Variants in FBN1 observed in about 807,000 individuals in gnomAD.
FBN1 encodes fibrillin 1, also known as fibrillin-1.
Under a neutral mutation model 365.1 loss-of-function variants are expected in FBN1, and 29 were observed. The observed-to-expected ratio is 0.08, with a 90% CI of 0.06 to 0.11. The LOEUF (loss-of-function observed/expected upper bound fraction) is 0.11. Ranked by LOEUF, FBN1 falls within the 10% of genes least tolerant of loss-of-function variation. The probability of loss-of-function intolerance (pLI) is 1.00; values close to 1 mark genes in which losing one functional copy is unlikely to be tolerated. For synonymous variants in FBN1, 1,210 were observed against 1,270.5 expected (o/e 0.95, Z 1.01); for missense variants, 2,476 against 3,703.2 (o/e 0.67, Z 8.60).
intron 6 of FBN1, among the ~76,000 whole-genome samples, chr15:48,591,551 G>T (rs999230810): frequency 6.6e-6 from 1 of 152,144 alleles, no homozygotes; most frequent in African/African-American, 2.4e-5. Context: ...GAGCAGATTC[G>T]TACGTTGAAA....
chr15:48,609,203 A>G (rs911765731), intron 4 of FBN1, among the ~76,000 whole-genome samples: 1 of 152,202 alleles, frequency 6.6e-6, no homozygotes, highest in African/African-American at 2.4e-5. Flanking sequence ...CTTGCTACGT[A>G]GAATGAACCT....
At chr15:48,479,753 C>T (rs2043452460) in intron 32 of FBN1, among the ~76,000 whole-genome samples, 1 of 152,166 alleles carries the variant, frequency 6.6e-6, no homozygotes, top group Non-Finnish European at 1.5e-5. Context: ...GTCTTAGTAT[C>T]TGTGCAAATT....
At chr15:48,499,155 A>G (rs2043634669) in intron 17 of FBN1, 117 bp from the exon 18 acceptor site, 1 of 1,004,142 alleles carries the variant, frequency 1.0e-6, no homozygotes, top group African/African-American at 1.6e-5. Context: ...TTAAGTGGTA[A>G]CGGAAAAGGA....
chr15:48,520,582 T>A, intron 10 of FBN1, 77 bp downstream of exon 10: 1 of 1,552,604 alleles, frequency 6.4e-7, no homozygotes, highest in Non-Finnish European at 8.9e-7. Flanking sequence ...TTCCATTACA[T>A]CTGCATCATG....
In FBN1 at chr15:48,472,983, T is replaced by A. The variant is rs541473311; in HGVS notation, c.4211-307A>T. 6.3e-4 allele frequency among the ~76,000 whole-genome samples: 96 copies of A among 152,310 alleles called. 1 individual carries two copies. The South Asian group carries it at 6.8e-3, about 11-fold the overall frequency. On this transcript the variant is annotated intron_variant, in intron 34 of 65. Coordinates refer to ENST00000316623, the MANE Select transcript of FBN1 (RefSeq NM_000138.5). ...CACACCCATGACAGGAAATGACACA[T>A]CATGTTTGTGTCTATTTCTCAAGTT...
intron 2 of FBN1, among the ~76,000 whole-genome samples, chr15:48,635,976 T>A (rs1480862360): frequency 1.3e-5 from 2 of 152,228 alleles, no homozygotes; most frequent in African/African-American, 4.8e-5. Context: ...CAAGTTAGAA[T>A]TAAAACTTAA....
At chr15:48,595,092 T>C (rs2044506665) in intron 6 of FBN1, among the ~76,000 whole-genome samples, 1 of 152,218 alleles carries the variant, frequency 6.6e-6, no homozygotes, top group Non-Finnish European at 1.5e-5. Flanking sequence ...AGTGGTCCCA[T>C]TAATAGAGAT....
intron 6 of FBN1, among the ~76,000 whole-genome samples, chr15:48,573,369 A>C (rs1463194287): frequency 6.6e-6 from 1 of 152,200 alleles, no homozygotes; most frequent in Non-Finnish European, 1.5e-5. Flanking sequence ...GATAGCTATC[A>C]CATTGTTGTA....
At chr15:48,578,035 G>T (rs545001338) in intron 6 of FBN1, among the ~76,000 whole-genome samples, 4 of 152,026 alleles carry the variant, frequency 2.6e-5, no homozygotes, top group African/African-American at 9.6e-5. Flanking sequence ...TCGTTTACAT[G>T]CAATCTACAA....
At chr15:48,437,484 A>G in intron 51 of FBN1, 97 bp from the exon 52 acceptor site, 1 of 1,075,696 alleles carries the variant, frequency 9.3e-7, no homozygotes, top group East Asian at 2.4e-5. Context: ...CATGCTGTGC[A>G]TATTGATAAA....
At chr15:48,612,959 C>A in intron 3 of FBN1, 51 bp downstream of exon 3, 1 of 1,371,226 alleles carries the variant, frequency 7.3e-7, no homozygotes, top group Non-Finnish European at 1.0e-6. Flanking sequence ...CCCATGCAAC[C>A]AACACAACAA....
At chr15:48,523,362 T>C (rs2043877015) in intron 9 of FBN1, among the ~76,000 whole-genome samples, 2 of 152,214 alleles carry the variant, frequency 1.3e-5, no homozygotes, top group South Asian at 2.1e-4. Flanking sequence ...TTATTGCCCA[T>C]CTGGCTGACT....
chr15:48,497,905 A>G (rs1264737065), intron 18 of FBN1, among the ~76,000 whole-genome samples: 1 of 152,184 alleles, frequency 6.6e-6, no homozygotes, highest in African/African-American at 2.4e-5. Flanking sequence ...TACTTATCCC[A>G]GACTTCACAC....
intron 43 of FBN1, among the ~76,000 whole-genome samples, chr15:48,459,980 C>T (rs993644244): frequency 2.6e-5 from 4 of 152,160 alleles, no homozygotes; most frequent in African/African-American, 9.7e-5. Context: ...ATGTTGATGC[C>T]TAAGGTTGGT....
In FBN1 at chr15:48,505,144, A is replaced by G. The variant is rs762427180; in HGVS notation, c.1841T>C (p.Ile614Thr). The G allele has an allele frequency of 2.5e-6, 4 of 1,614,180 alleles. No homozygotes were observed. The East Asian group carries it at 8.9e-5, about 36-fold the overall frequency. Residue 614 changes from isoleucine to threonine, a missense_variant, in exon 16 of 66, where the codon ATT becomes ACT. Around this residue, in one of 5 missense-constraint regions of FBN1, gnomAD observed 1,780 missense variants for 2,840.8 expected, o/e 0.63. Transcript: ENST00000316623. ...GATCCCAGGGGTTTCACACTCGTTA[A>G]TGTCTGTGGCAGAGAAAGGCACTTA... Reference protein sequence around the residue: ...LASDGRYCKDINECETPGICM... With the variant: ...LASDGRYCKDTNECETPGICM...
chr15:48,592,652 C>T (rs2044486855), intron 6 of FBN1, among the ~76,000 whole-genome samples: 1 of 150,904 alleles, frequency 6.6e-6, no homozygotes, highest in Non-Finnish European at 1.5e-5. Flanking sequence ...GTGAACTTAC[C>T]AAAAAAAAGT....
chr15:48,531,316 T>C (rs1397147821), intron 8 of FBN1, among the ~76,000 whole-genome samples: 1 of 152,138 alleles, frequency 6.6e-6, no homozygotes, highest in Non-Finnish European at 1.5e-5. Flanking sequence ...GAAGTGAGAA[T>C]TCTGCAAGAG....
At position 48,497,318 on chromosome 15, in the gene FBN1, T is replaced by C. The variant is rs1045070535; in HGVS notation, c.2241A>G (p.Lys747=). The C allele has an allele frequency of 6.2e-7, 1 of 1,614,036 alleles. No homozygotes were observed. Among genetic ancestry groups the C allele is most frequent in the African/African-American group, 1.3e-5 (1 of 75,046 alleles). Residue 747 remains lysine (K), a synonymous_variant, in exon 19 of 66, where the codon AAA becomes AAG. Coordinates refer to ENST00000316623, the MANE Select transcript of FBN1 (RefSeq NM_000138.5). ...CTTCATATCCTGAATTGCATATACA[T>C]TTATAGGTCCCACGAAGGTTTTCAC... ...GICENLRGTY[K]CICNSGYEVD...
chr15:48,529,832 C>G (rs1457593711), intron 8 of FBN1: 1 of 155,078 alleles, frequency 6.4e-6, no homozygotes, highest in Non-Finnish European at 1.4e-5. Context: ...ATCACGTACG[C>G]CAGCTTTTAT....
Sources: gnomAD v4.1 joint callset for allele counts (sites outside exome capture counted in the v4.1 genomes callset) on GRCh38, gnomAD v4.1.1 for gene constraint, gnomAD v4.1.1 regional missense constraint, MANE v1.5 for transcripts, NCBI Gene and HGNC (gene_info 2026-07-23, HGNC 2026-07-21) for gene names.